Variants in BMPER observed in about 807,000 individuals in gnomAD.
BMPER encodes BMP-binding endothelial regulator protein.
BMPER carries 45 observed loss-of-function variants against 87.3 expected under a neutral mutation model. That is an observed-to-expected ratio of 0.52 (90% CI 0.41 to 0.66). The LOEUF (loss-of-function observed/expected upper bound fraction) is 0.66, where lower values mean the gene tolerates loss of function less well. Ranked by LOEUF, BMPER falls within the 30% of genes least tolerant of loss-of-function variation. BMPER has a pLI of 0.00. For synonymous variants in BMPER, 326 were observed against 316.2 expected (o/e 1.03, Z -0.33); for missense variants, 784 against 867.5 (o/e 0.90, Z 1.21).
chr7:34,082,833 A>C (rs1451177275), intron 12 of BMPER, among the ~76,000 whole-genome samples: 1 of 152,218 alleles, frequency 6.6e-6, no homozygotes, highest in Admixed American at 6.5e-5. Context: ...TTAGAAGAAC[A>C]GTATTTGCCT....
rs994354345 is a variant in BMPER at position 34,039,996 on chromosome 7, T to C, written c.577-6310T>C. ...ATGGCAAAAAGAGAATTCTAAGTTA[T>C]TGTGACAATGCCACCTACTAGATGA... On this transcript the variant is annotated intron_variant, in intron 6 of 14. Transcript: ENST00000649409. Among the ~76,000 whole-genome samples, 5 of 152,038 alleles carry C rather than the reference T, an allele frequency of 3.3e-5. No homozygotes were observed. In the South Asian group the frequency reaches 6.2e-4, roughly 19 times the overall value.
intron 3 of BMPER, among the ~76,000 whole-genome samples, chr7:33,960,276 A>G (rs1231620310): frequency 6.6e-6 from 1 of 152,194 alleles, no homozygotes; most frequent in African/African-American, 2.4e-5. Context: ...GAGTAATAAA[A>G]GCCTGTTTTA....
At chr7:33,937,764 C>G (rs1047603121) in intron 3 of BMPER, among the ~76,000 whole-genome samples, 1 of 152,202 alleles carries the variant, frequency 6.6e-6, no homozygotes, top group African/African-American at 2.4e-5. Flanking sequence ...AGGCTCCACA[C>G]TCACCCTGCC....
At chr7:34,005,993 C>T (rs1786722330) in intron 6 of BMPER, among the ~76,000 whole-genome samples, 1 of 151,914 alleles carries the variant, frequency 6.6e-6, no homozygotes, top group Non-Finnish European at 1.5e-5. Flanking sequence ...TGGCAATTTG[C>T]TTTCCACAAA....
intron 13 of BMPER, among the ~76,000 whole-genome samples, chr7:34,132,485 C>T (rs1363993540): frequency 6.6e-6 from 1 of 152,170 alleles, no homozygotes; most frequent in East Asian, 1.9e-4. Context: ...GTTCTTCTTT[C>T]TTTCTGCATT....
intron 14 of BMPER, among the ~76,000 whole-genome samples, chr7:34,145,632 G>A (rs1206706782): frequency 6.6e-6 from 1 of 152,006 alleles, no homozygotes; most frequent in Non-Finnish European, 1.5e-5. Context: ...TGAATTTACT[G>A]GAAAAATGAA....
At chr7:34,095,681 T>C (rs1392121225) in intron 13 of BMPER, among the ~76,000 whole-genome samples, 1 of 152,250 alleles carries the variant, frequency 6.6e-6, no homozygotes, top group Admixed American at 6.5e-5. Flanking sequence ...CCAGGAGTTA[T>C]CAGACAGCTC....
chr7:34,145,072 A>G (rs1790981666), intron 14 of BMPER, among the ~76,000 whole-genome samples: 1 of 152,172 alleles, frequency 6.6e-6, no homozygotes, highest in African/African-American at 2.4e-5. Context: ...TAAACCAGGA[A>G]CCTAAGCCTG....
At chr7:34,033,477 T>G (rs1331996353) in intron 6 of BMPER, among the ~76,000 whole-genome samples, 1 of 152,154 alleles carries the variant, frequency 6.6e-6, no homozygotes, top group Non-Finnish European at 1.5e-5. Context: ...CTGGATTTCC[T>G]GGTTAAAAAA....
At chr7:33,938,451 A>G (rs1334573271) in intron 3 of BMPER, among the ~76,000 whole-genome samples, 2 of 152,244 alleles carry the variant, frequency 1.3e-5, no homozygotes, top group African/African-American at 4.8e-5. Context: ...AGACAGAGAC[A>G]GACAGAGACA....
At chr7:33,987,322 C>T (rs946964410) in intron 6 of BMPER, among the ~76,000 whole-genome samples, 13 of 152,160 alleles carry the variant, frequency 8.5e-5, no homozygotes, top group South Asian at 4.2e-4. Context: ...GTGTGTGAGC[C>T]GCGATGTGTT....
At chr7:34,005,787 G>T (rs1786715164) in intron 6 of BMPER, among the ~76,000 whole-genome samples, 1 of 151,978 alleles carries the variant, frequency 6.6e-6, no homozygotes, top group Non-Finnish European at 1.5e-5. Flanking sequence ...TTACTCTACT[G>T]TTCTAGAAAT....
At chr7:34,072,481 C>T (rs950473385) in intron 11 of BMPER, among the ~76,000 whole-genome samples, 6 of 151,042 alleles carry the variant, frequency 4.0e-5, no homozygotes, top group Non-Finnish European at 7.4e-5. Flanking sequence ...AGCCCACATT[C>T]CTTGGCTCCT....
At chr7:34,063,379 ATGTGTGTGTG>A (rs10537332) in intron 11 of BMPER, among the ~76,000 whole-genome samples, 2 of 148,954 alleles carry the variant, frequency 1.3e-5, no homozygotes, top group East Asian at 2.0e-4. Context: ...GGGTCACTAT[ATGTGTGTGTG>A]TGTGTGTGTG....
chr7:34,043,425 A>G (rs181932430), intron 6 of BMPER, among the ~76,000 whole-genome samples: 115 of 152,280 alleles, frequency 7.6e-4, no homozygotes, highest in African/African-American at 2.7e-3. Context: ...TATTATTTCC[A>G]TCCATTTCCC....
intron 6 of BMPER, among the ~76,000 whole-genome samples, chr7:34,034,075 C>T (rs2127952540): frequency 6.6e-6 from 1 of 152,254 alleles, no homozygotes; most frequent in Non-Finnish European, 1.5e-5. Context: ...TCAGACCTCA[C>T]CCATGATCAT....
At chr7:34,011,881 G>A (rs1370214574) in intron 6 of BMPER, among the ~76,000 whole-genome samples, 1 of 151,802 alleles carries the variant, frequency 6.6e-6, no homozygotes, top group Non-Finnish European at 1.5e-5. Context: ...GAGTCAGCTA[G>A]GGTGAACCCA....
At chr7:34,133,028 T>C (rs1046375381) in intron 13 of BMPER, among the ~76,000 whole-genome samples, 22 of 152,206 alleles carry the variant, frequency 1.4e-4, no homozygotes, top group African/African-American at 4.8e-4. Context: ...ACAGAGCTCC[T>C]AAGACCTTTG....
intron 3 of BMPER, among the ~76,000 whole-genome samples, chr7:33,945,187 C>T (rs4487648): frequency 0.19 from 29,430 of 151,424 alleles, 2,986 homozygotes; most frequent in Middle Eastern, 0.33. Context: ...GTGATCCGCC[C>T]GCCTTGGCCT....
Sources: gnomAD v4.1 joint callset for allele counts (sites outside exome capture counted in the v4.1 genomes callset) on GRCh38, gnomAD v4.1.1 for gene constraint, MANE v1.5 for transcripts, NCBI Gene and HGNC (gene_info 2026-07-23, HGNC 2026-07-21) for gene names.